TTC39B: variants seen among roughly 807,000 people sequenced by gnomAD.
TTC39B encodes tetratricopeptide repeat domain 39B.
Under a neutral mutation model 96.6 loss-of-function variants are expected in TTC39B, and 92 were observed. That is an observed-to-expected ratio of 0.95 (90% CI 0.80 to 1.13). The LOEUF is 1.13. Ranked by LOEUF, TTC39B falls within the 50% of genes most tolerant of loss-of-function variation. The probability of loss-of-function intolerance (pLI) is 0.00; values close to 1 mark genes in which losing one functional copy is unlikely to be tolerated. For synonymous variants in TTC39B, 367 were observed against 299.4 expected, an observed-to-expected ratio of 1.23 and a Z score of -2.33; for missense variants, 955 against 809.3, an observed-to-expected ratio of 1.18 and a Z score of -2.18.
At position 15,257,559 on chromosome 9, in the gene TTC39B, T is replaced by C. The variant is rs370062486; in HGVS notation, c.275+10355A>G. 2.6e-4 allele frequency among the ~76,000 whole-genome samples: 39 copies of C among 152,044 alleles called. 2 individuals carry two copies. The East Asian group carries it at 6.2e-3, about 24-fold the overall frequency. On this transcript the variant is annotated intron_variant, in intron 2 of 19. Coordinates refer to ENST00000512701, the Ensembl canonical transcript of TTC39B. ...GACTTCTGCGGCTCAAATGATCCTC[T>C]CATCTCAGCCTCCCAAGTAGCTGGA... is the stretch of plus-strand genomic sequence containing the variant.
chr9:15,237,223 G>C (rs1821823972), intron 2 of TTC39B, among the ~76,000 whole-genome samples: 1 of 152,184 alleles, frequency 6.6e-6, no homozygotes, highest in African/African-American at 2.4e-5. Flanking sequence ...GCTGAGGCAG[G>C]AGAATTACTT....
chr9:15,204,389 C>T (rs985350721), intron 6 of TTC39B, among the ~76,000 whole-genome samples: 1 of 151,884 alleles, frequency 6.6e-6, no homozygotes, highest in Non-Finnish European at 1.5e-5. Flanking sequence ...ATTAGCCAGG[C>T]GTGGTGGCAC....
At chr9:15,231,906 C>G (rs62539786) in intron 2 of TTC39B, among the ~76,000 whole-genome samples, 1 of 152,200 alleles carries the variant, frequency 6.6e-6, no homozygotes, top group Middle Eastern at 3.4e-3. Context: ...AATCTAGAGT[C>G]GAAATGGTAT....
intron 3 of TTC39B, among the ~76,000 whole-genome samples, chr9:15,222,337 C>T (rs944617002): frequency 1.3e-5 from 2 of 152,168 alleles, no homozygotes; most frequent in Non-Finnish European, 2.9e-5. Context: ...AAGCACACAG[C>T]TCGGTGGTGT....
chr9:15,200,194 T>C (rs1564338567), intron 7 of TTC39B, among the ~76,000 whole-genome samples: 1 of 152,306 alleles, frequency 6.6e-6, no homozygotes, highest in East Asian at 1.9e-4. Context: ...CCTCACCAAT[T>C]AGGGGCCATA....
intron 8 of TTC39B, among the ~76,000 whole-genome samples, chr9:15,194,373 C>G (rs1318997626): frequency 6.6e-6 from 1 of 152,032 alleles, no homozygotes; most frequent in African/African-American, 2.4e-5. Context: ...ACTAAAGTAC[C>G]TATCTTTCTT....
chr9:15,288,726 A>G (rs1824070819), intron 1 of TTC39B, among the ~76,000 whole-genome samples: 1 of 152,238 alleles, frequency 6.6e-6, no homozygotes, highest in African/African-American at 2.4e-5. Context: ...AAAAGAGCGC[A>G]CTGTAACACA....
chr9:15,216,148 CA>C, intron 3 of TTC39B, among the ~76,000 whole-genome samples: 1 of 152,278 alleles, frequency 6.6e-6, no homozygotes, highest in Middle Eastern at 3.4e-3. Flanking sequence ...TTTTTTCTCC[CA>C]CCATTATTAC....
At chr9:15,267,370 A>C (rs1484797611) in intron 2 of TTC39B, among the ~76,000 whole-genome samples, 1 of 152,274 alleles carries the variant, frequency 6.6e-6, no homozygotes, top group Non-Finnish European at 1.5e-5. Flanking sequence ...CAGTAATCCT[A>C]CATTTGTTAT....
chr9:15,280,979 C>T (rs906890495), intron 1 of TTC39B, among the ~76,000 whole-genome samples: 4 of 152,094 alleles, frequency 2.6e-5, no homozygotes, highest in African/African-American at 9.7e-5. Flanking sequence ...GCAATTATCC[C>T]AAACAGTATT....
rs186089560 is a variant in TTC39B, at chr9:15,179,766, T to G, written c.1724-1952A>C. 3.5e-3 allele frequency among the ~76,000 whole-genome samples: 529 copies of G among 152,314 alleles called. 13 individuals carry two copies. Among genetic ancestry groups the G allele is most frequent in the Admixed American group, 0.032 (495 of 15,300 alleles). On this transcript the variant is annotated intron_variant, in intron 17 of 19. Transcript: ENST00000512701. ...ATTATGACAACATTCTGGTGCTCTG[T>G]GAATGATGATTTTGTTGAGGAACAG... is the stretch of plus-strand genomic sequence containing the variant.
intron 1 of TTC39B, among the ~76,000 whole-genome samples, chr9:15,272,429 TAAGTA>T (rs749082866): frequency 2.0e-4 from 30 of 152,074 alleles, no homozygotes; most frequent in Non-Finnish European, 4.1e-4. Flanking sequence ...CCTTCCAACA[TAAGTA>T]AAGTAAGACA....
At chr9:15,207,631 G>T (rs1295859892) in intron 6 of TTC39B, among the ~76,000 whole-genome samples, 1 of 152,014 alleles carries the variant, frequency 6.6e-6, no homozygotes, top group East Asian at 1.9e-4. Context: ...AGGTTAGATT[G>T]GTTAATGTTA....
intron 1 of TTC39B, among the ~76,000 whole-genome samples, chr9:15,275,279 G>T (rs1823498368): frequency 6.6e-6 from 1 of 152,200 alleles, no homozygotes; most frequent in Non-Finnish European, 1.5e-5. Context: ...GACCTCAGGT[G>T]ATCTGCCCGC....
chr9:15,247,341 G>C (rs1822324705), intron 2 of TTC39B, among the ~76,000 whole-genome samples: 1 of 152,180 alleles, frequency 6.6e-6, no homozygotes, highest in African/African-American at 2.4e-5. Flanking sequence ...TTCTAAGGAA[G>C]AACATTCTAA....
At chr9:15,173,666 T>C (rs1201140305) in intron 19 of TTC39B, among the ~76,000 whole-genome samples, 1 of 152,184 alleles carries the variant, frequency 6.6e-6, no homozygotes, top group African/African-American at 2.4e-5. Context: ...CTAGACCTCT[T>C]TCTCTAGCTA....
At chr9:15,261,261 T>C (rs1432693699) in intron 2 of TTC39B, among the ~76,000 whole-genome samples, 1 of 152,052 alleles carries the variant, frequency 6.6e-6, no homozygotes, top group African/African-American at 2.4e-5. Context: ...GGAGGATCAC[T>C]TGAGTCCAGG....
intron 3 of TTC39B, among the ~76,000 whole-genome samples, chr9:15,222,818 A>C (rs1820920741): frequency 6.6e-6 from 1 of 152,228 alleles, no homozygotes; most frequent in African/African-American, 2.4e-5. Context: ...TAAATAAAAA[A>C]GACACACTTT....
intron 11 of TTC39B, 85 bp from the exon 12 acceptor site, chr9:15,189,877 T>A (rs2118773139): frequency 2.4e-6 from 2 of 839,774 alleles, no homozygotes; most frequent in Non-Finnish European, 3.9e-6. Context: ...TAACATACAG[T>A]AAAGACCTAC....
Sources: allele counts gnomAD v4.1 joint callset (sites outside exome capture counted in the v4.1 genomes callset), GRCh38; gene constraint gnomAD v4.1.1; transcripts MANE v1.5; gene names NCBI Gene and HGNC (gene_info 2026-07-23, HGNC 2026-07-21).